Variants in EXOC4 observed in about 807,000 individuals in gnomAD.
EXOC4 encodes SEC8-like 1.
In EXOC4, 71 loss-of-function variants were observed where a neutral mutation model predicts 107.2. The observed-to-expected ratio is 0.66, with a 90% CI of 0.55 to 0.81. The LOEUF (loss-of-function observed/expected upper bound fraction) is 0.81, where lower values mean the gene tolerates loss of function less well. Ranked by LOEUF, EXOC4 falls within the 30% of genes least tolerant of loss-of-function variation. EXOC4 has a pLI of 0.00. For missense variants in EXOC4, 1,108 were observed against 1,189.6 expected (o/e 0.93, Z 1.01); for synonymous variants, 456 against 441.2 (o/e 1.03, Z -0.42).
chr7:133,317,496 G>A (rs1795017578), intron 5 of EXOC4, 106 bp downstream of exon 5: 2 of 727,872 alleles, frequency 2.7e-6, no homozygotes, highest in Admixed American at 2.2e-5. Flanking sequence ...GCTGGGCTAG[G>A]TGGGCCTGAG....
intron 7 of EXOC4, among the ~76,000 whole-genome samples, chr7:133,414,828 A>T (rs1295188673): frequency 1.3e-5 from 2 of 152,126 alleles, no homozygotes; most frequent in Non-Finnish European, 2.9e-5. Context: ...GGCTTTAAAC[A>T]TGTTCACAGA....
intron 9 of EXOC4, among the ~76,000 whole-genome samples, chr7:133,576,230 T>G (rs1369624407): frequency 6.6e-6 from 1 of 152,188 alleles, no homozygotes; most frequent in Admixed American, 6.5e-5. Context: ...CTGGCATGAA[T>G]GGGTGCCAAT....
At chr7:133,679,945 TTTG>T (rs1399617106) in intron 10 of EXOC4, among the ~76,000 whole-genome samples, 1 of 152,206 alleles carries the variant, frequency 6.6e-6, no homozygotes, top group Non-Finnish European at 1.5e-5. Flanking sequence ...TAGTGGGGGC[TTTG>T]TTGTTGTTTT....
intron 11 of EXOC4, among the ~76,000 whole-genome samples, chr7:133,862,356 C>T (rs966607554): frequency 1.3e-5 from 2 of 151,922 alleles, no homozygotes; most frequent in African/African-American, 2.4e-5. Context: ...AAGGTGGTGG[C>T]GCATGCCTCC....
intron 12 of EXOC4, among the ~76,000 whole-genome samples, chr7:133,911,790 C>T (rs956778400): frequency 1.3e-5 from 2 of 152,282 alleles, no homozygotes; most frequent in South Asian, 2.1e-4. Flanking sequence ...CGCTCAAAGA[C>T]GTAGATGCTG....
intron 9 of EXOC4, among the ~76,000 whole-genome samples, chr7:133,491,687 G>A (rs1044016956): frequency 6.6e-6 from 1 of 152,166 alleles, no homozygotes; most frequent in Non-Finnish European, 1.5e-5. Context: ...TCTAGATGCT[G>A]TAGAAGATAA....
intron 11 of EXOC4, among the ~76,000 whole-genome samples, chr7:133,883,656 C>T (rs1452682418): frequency 6.6e-6 from 1 of 151,944 alleles, no homozygotes; most frequent in South Asian, 2.1e-4. Context: ...TAAGCTAGAG[C>T]TGCAATAAAT....
intron 14 of EXOC4, among the ~76,000 whole-genome samples, chr7:133,967,640 G>A (rs779724482): frequency 1.4e-4 from 22 of 152,320 alleles, no homozygotes; most frequent in South Asian, 1.0e-3. Context: ...GTGTGGTTTT[G>A]AGTGTGTTTC....
At chr7:133,775,273 A>G (rs964366662) in intron 10 of EXOC4, among the ~76,000 whole-genome samples, 1 of 152,220 alleles carries the variant, frequency 6.6e-6, no homozygotes, top group Non-Finnish European at 1.5e-5. Context: ...AACATGCATG[A>G]AATGCACAGC....
chr7:133,339,458 T>C (rs772223484), intron 5 of EXOC4, among the ~76,000 whole-genome samples: 7 of 152,206 alleles, frequency 4.6e-5, no homozygotes, highest in Non-Finnish European at 8.8e-5. Flanking sequence ...TCCAGATTTG[T>C]TCTTTTTGTA....
chr7:133,280,625 A>T (rs1249003657), intron 2 of EXOC4, among the ~76,000 whole-genome samples: 1 of 151,916 alleles, frequency 6.6e-6, no homozygotes, highest in African/African-American at 2.4e-5. Context: ...TCTGAATCTC[A>T]TTTTTTTTGC....
At chr7:133,814,194 AG>A (rs148807366) in intron 10 of EXOC4, among the ~76,000 whole-genome samples, 2,360 of 152,198 alleles carry the variant, frequency 0.016, 59 homozygotes, top group African/African-American at 0.054. Flanking sequence ...GAGACTTCCC[AG>A]GATGTCTTTA....
At chr7:133,268,181 A>G (rs1793779710) in intron 1 of EXOC4, among the ~76,000 whole-genome samples, 1 of 152,212 alleles carries the variant, frequency 6.6e-6, no homozygotes, top group Non-Finnish European at 1.5e-5. Context: ...CAGACCCAGA[A>G]AAGTTAAGTC....
At chr7:134,071,831 T>A in the EXOC4 span, among the ~76,000 whole-genome samples, 4 of 152,172 alleles carry the variant, frequency 2.6e-5, no homozygotes, top group African/African-American at 4.8e-5. Context: ...CCCTCTGTGC[T>A]ATTTTGAGCC....
At chr7:133,485,224 C>G (rs985400871) in intron 9 of EXOC4, among the ~76,000 whole-genome samples, 6 of 151,996 alleles carry the variant, frequency 3.9e-5, no homozygotes, top group African/African-American at 1.5e-4. Context: ...CTCTTCAACT[C>G]CAGTCCACTG....
At position 133,672,377 on chromosome 7, in the gene EXOC4, T is replaced by C. The variant is rs531599680; in HGVS notation, c.1514+42236T>C. On this transcript the variant is annotated intron_variant, in intron 10 of 17. Coordinates refer to ENST00000253861, the MANE Select transcript of EXOC4 (RefSeq NM_021807.4). ...CTGCACTCCAGCCTGGGCGACAGAG[T>C]GAGACTCCGTTTAAAAAAAAAAAAA... is the stretch of plus-strand genomic sequence containing the variant. Among the ~76,000 whole-genome samples, 194 of 139,408 alleles carry C rather than the reference T, an allele frequency of 1.4e-3. 1 individual carries two copies. The highest frequency in any genetic ancestry group is 4.8e-3 in the African/African-American group (177 of 36,892). The allele number at this position is 139,408 out of a possible 152,430, so 91.5% of individuals were successfully genotyped here. A position where few individuals can be genotyped will look rare whatever the true frequency, so the allele number is the denominator to read the frequency against.
chr7:133,357,040 G>C (rs1796037390), intron 6 of EXOC4, among the ~76,000 whole-genome samples: 1 of 152,134 alleles, frequency 6.6e-6, no homozygotes, highest in African/African-American at 2.4e-5. Context: ...GCTTGACTAG[G>C]CATAATTCAG....
At chr7:133,427,342 C>T (rs749717010) in intron 7 of EXOC4, among the ~76,000 whole-genome samples, 8 of 152,164 alleles carry the variant, frequency 5.3e-5, no homozygotes, top group Non-Finnish European at 1.0e-4. Context: ...TGCTAAGGCT[C>T]AGGCATTGAC....
intron 9 of EXOC4, among the ~76,000 whole-genome samples, chr7:133,565,457 G>C (rs1585001414): frequency 1.3e-5 from 2 of 152,062 alleles, no homozygotes; most frequent in South Asian, 4.1e-4. Flanking sequence ...TTTTACCTGA[G>C]GCCCCAGAGT....
Sources: gnomAD v4.1 joint callset for allele counts (sites outside exome capture counted in the v4.1 genomes callset) on GRCh38, gnomAD v4.1.1 for gene constraint, MANE v1.5 for transcripts, NCBI Gene and HGNC (gene_info 2026-07-23, HGNC 2026-07-21) for gene names.